The following SCNN1B variants were observed in gnomAD, a reference collection of about 807,000 sequenced individuals.
The protein encoded by SCNN1B is epithelial sodium channel subunit beta.
A neutral mutation model predicts 65.3 loss-of-function variants in SCNN1B; 46 were observed. The observed-to-expected ratio is 0.70, with a 90% CI of 0.56 to 0.90. The LOEUF is 0.90. Among genes scored for constraint, SCNN1B ranks in the 40% least tolerant of loss-of-function variants. The pLI is 0.00. For missense variants in SCNN1B, 751 were observed against 830.5 expected (o/e 0.90, Z 1.18); for synonymous variants, 349 against 330.6 (o/e 1.06, Z -0.60).
upstream of SCNN1B, among the ~76,000 whole-genome samples, chr16:23,299,724 C>T (rs372231047): frequency 1.5e-3 from 226 of 152,266 alleles, 1 homozygote; most frequent in African/African-American, 5.2e-3. Flanking sequence ...GAAATAGGAA[C>T]GCTTTTACAC....
Position 23,327,108 on chromosome 16 carries a change from G to A in SCNN1B, c.-8-21484G>A, listed in dbSNP as rs148421644. The stretch of plus-strand genomic sequence containing the variant: ...ACGTTTTTATTTTTTGTAGAGGTGG[G>A]ATCTCGCTATATTGCCCTGGATGGT... On this transcript the variant is annotated intron_variant, in intron 1 of 12. Transcript: ENST00000343070. Among the ~76,000 whole-genome samples, 165 of 152,116 alleles carry A rather than the reference G, an allele frequency of 1.1e-3. 1 individual carries two copies. Among genetic ancestry groups the A allele is most frequent in the African/African-American group, 3.5e-3 (146 of 41,510 alleles).
At chr16:23,293,864 C>T (rs753122791) in intron 2 of SCNN1B, among the ~76,000 whole-genome samples, 1 of 152,078 alleles carries the variant, frequency 6.6e-6, no homozygotes, top group Non-Finnish European at 1.5e-5. Context: ...GTGGAGGCTG[C>T]AGTGAGCCAT....
At chr16:23,296,277 C>T (rs1960996126) in intron 2 of SCNN1B, among the ~76,000 whole-genome samples, 1 of 152,190 alleles carries the variant, frequency 6.6e-6, no homozygotes, top group African/African-American at 2.4e-5. Flanking sequence ...CCAAGCCAAG[C>T]AGGAATAGGA....
intron 1 of SCNN1B, among the ~76,000 whole-genome samples, chr16:23,316,248 T>C (rs1961457918): frequency 7.1e-6 from 1 of 141,050 alleles, no homozygotes; most frequent in South Asian, 2.4e-4. Context: ...ATCACCACCA[T>C]CATCACAACC....
At chr16:23,304,086 T>C (rs1190672519) in intron 1 of SCNN1B, 5 of 1,535,718 alleles carry the variant, frequency 3.3e-6, no homozygotes, top group South Asian at 1.2e-5. Context: ...GGAATTTAGG[T>C]GACAAAAATT....
intron 5 of SCNN1B, among the ~76,000 whole-genome samples, chr16:23,369,104 C>T (rs1387813852): frequency 6.6e-6 from 1 of 152,208 alleles, no homozygotes; most frequent in Non-Finnish European, 1.5e-5. Context: ...CTCTGGTGTA[C>T]AGTTTGTTTG....
At chr16:23,368,876 G>A (rs1962726015) in intron 5 of SCNN1B, among the ~76,000 whole-genome samples, 1 of 152,146 alleles carries the variant, frequency 6.6e-6, no homozygotes, top group African/African-American at 2.4e-5. Context: ...TGTGGAAGGA[G>A]AGACATCAGA....
intron 1 of SCNN1B, among the ~76,000 whole-genome samples, chr16:23,315,297 A>G (rs1436170636): frequency 3.3e-5 from 5 of 152,110 alleles, no homozygotes; most frequent in Non-Finnish European, 7.4e-5. Flanking sequence ...AGATCGCACC[A>G]TTGCACTCCA....
chr16:23,356,784 A>T (rs1236372763), intron 4 of SCNN1B, among the ~76,000 whole-genome samples: 1 of 151,940 alleles, frequency 6.6e-6, no homozygotes, highest in Non-Finnish European at 1.5e-5. Flanking sequence ...ACAGATTCCC[A>T]CCTCCTTGGC....
chr16:23,339,580 T>C (rs12444463), intron 1 of SCNN1B, among the ~76,000 whole-genome samples: 21,264 of 151,624 alleles, frequency 0.14, 2,000 homozygotes, highest in African/African-American at 0.27. Context: ...ATTATTATTA[T>C]TTTGAGATGG....
chr16:23,346,200 C>CTGTTTTTTTTTTTTT (rs1962182826), intron 1 of SCNN1B, among the ~76,000 whole-genome samples: 1 of 78,018 alleles, frequency 1.3e-5, no homozygotes, highest in Admixed American at 1.5e-4. Flanking sequence ...TTTTCCTTTT[C>CTGTTTTTTTTTTTTT]TTTTTTTTTT....
chr16:23,327,581 T>G lies in SCNN1B; in HGVS notation c.-8-21011T>G, dbSNP rs912382020. Among the ~76,000 whole-genome samples, 10 of 152,248 alleles carry G rather than the reference T, an allele frequency of 6.6e-5. 1 individual carries two copies. The East Asian group carries it at 1.4e-3, about 21-fold the overall frequency. ...ATAACTAACCATTTTTCTTAATGGC[T>G]CCCCAATACCTCATTGTGTGCCTGT... On this transcript the variant is annotated intron_variant, in intron 1 of 12. Coordinates refer to ENST00000343070, the MANE Select transcript of SCNN1B (RefSeq NM_000336.3).
chr16:23,314,165 G>A (rs1961402866), intron 1 of SCNN1B, among the ~76,000 whole-genome samples: 3 of 151,968 alleles, frequency 2.0e-5, no homozygotes, highest in African/African-American at 7.3e-5. Flanking sequence ...GACTGCAGGT[G>A]CACACCACTA....
At position 23,380,343 on chromosome 16, in the gene SCNN1B, C is replaced by A; in HGVS notation, c.1543-78C>A. The A allele has an allele frequency of 1.2e-6, 2 of 1,608,590 alleles. No homozygotes were observed. Among genetic ancestry groups the A allele is most frequent in the Non-Finnish European group, 1.7e-6 (2 of 1,176,438 alleles). The stretch of plus-strand genomic sequence containing the variant: ...CCCTCCCGTTCCCACCCAAGAATCA[C>A]CTCCCAGGAAGCTGTGAGGCTGGGC... On this transcript the variant is annotated intron_variant, in intron 12 of 12. Transcript: ENST00000343070. The surrounding 1 kb of genome is among the most constrained non-coding windows in gnomAD (Gnocchi z 5.4).
rs144789874 is a variant in SCNN1B, at chr16:23,314,690, G to A, written c.-9+12253G>A. ...CACCCACAGCCAAGTGTAAGGTTTC[G>A]GCTTTTCACAATGCCAGGAACCACC... is the stretch of plus-strand genomic sequence containing the variant. On this transcript the variant is annotated intron_variant, in intron 1 of 12. Coordinates refer to ENST00000343070, the MANE Select transcript of SCNN1B (RefSeq NM_000336.3). Among the ~76,000 whole-genome samples, 13 of 152,304 alleles carry A rather than the reference G, an allele frequency of 8.5e-5. No individual in the cohort carries two copies. In the East Asian group the frequency reaches 2.3e-3, roughly 27 times the overall value.
At position 23,292,197 on chromosome 16, in the gene SCNN1B, T is replaced by C. The variant is rs1396378969; in HGVS notation, n.178+8393T>C. On this transcript the variant is annotated intron_variant and non_coding_transcript_variant, in intron 2 of 3. Coordinates refer to the SCNN1B transcript ENST00000569789. The stretch of plus-strand genomic sequence containing the variant: ...TTTATTTATTTTATTTCTTTCTTTA[T>C]TTTTTTTTTTTTTTGAGACGGAGTC... 1.0e-3 allele frequency among the ~76,000 whole-genome samples: 139 copies of C among 137,154 alleles called. 2 individuals carry two copies. The highest frequency in any genetic ancestry group is 3.5e-3 in the African/African-American group (124 of 35,912). The allele number at this position is 137,154 out of a possible 152,430, so 90.0% of individuals were successfully genotyped here. A position where few individuals can be genotyped will look rare whatever the true frequency, so the allele number is the denominator to read the frequency against.
At chr16:23,304,685 G>A (rs780598030) in intron 1 of SCNN1B, among the ~76,000 whole-genome samples, 1 of 152,208 alleles carries the variant, frequency 6.6e-6, no homozygotes, top group Admixed American at 6.5e-5. Context: ...TAAAGAGAGT[G>A]TGTTTGCTAT....
chr16:23,379,130 TCCTCCACTCATTCATC>T, intron 11 of SCNN1B, among the ~76,000 whole-genome samples: 4 of 143,808 alleles, frequency 2.8e-5, no homozygotes, highest in African/African-American at 1.1e-4. Context: ...CACCCAGCCA[TCCTCCACTCATTCATC>T]CTCCATTCTC....
chr16:23,289,231 A>G (rs1319831380), intron 2 of SCNN1B, among the ~76,000 whole-genome samples: 1 of 152,120 alleles, frequency 6.6e-6, no homozygotes, highest in Non-Finnish European at 1.5e-5. Context: ...TGAGTCATAG[A>G]AGGATTATTC....
Sources: gnomAD v4.1 joint callset for allele counts (sites outside exome capture counted in the v4.1 genomes callset) on GRCh38, gnomAD v4.1.1 for gene constraint, Gnocchi (gnomAD v3.1) non-coding constraint, MANE v1.5 for transcripts, NCBI Gene and HGNC (gene_info 2026-07-23, HGNC 2026-07-21) for gene names.